Variants in DCAF10 observed in about 807,000 individuals in gnomAD.
DCAF10 encodes the protein DDB1 and CUL4 associated factor 10.
In DCAF10, 19 loss-of-function variants were observed where a neutral mutation model predicts 51.9. That is an observed-to-expected ratio of 0.37 (90% CI 0.26 to 0.54). The LOEUF is 0.54. Among genes scored for constraint, DCAF10 ranks in the 20% least tolerant of loss-of-function variants. The pLI is 0.87. For synonymous variants in DCAF10, 291 were observed against 297.1 expected, an observed-to-expected ratio of 0.98 and a Z score of 0.21; for missense variants, 510 against 730.6, an observed-to-expected ratio of 0.70 and a Z score of 3.48.
chr9:37,819,495 C>A (rs1829642416), intron 2 of DCAF10, 94 bp downstream of exon 2: 2 of 799,386 alleles, frequency 2.5e-6, no homozygotes, highest in Non-Finnish European at 4.0e-6. Flanking sequence ...AATGCCTTAT[C>A]CAGCACTGCT....
At chr9:37,846,990 A>G (rs916337824) in intron 3 of DCAF10, among the ~76,000 whole-genome samples, 1 of 152,148 alleles carries the variant, frequency 6.6e-6, no homozygotes, top group Admixed American at 6.6e-5. Flanking sequence ...GTGGTGGCTC[A>G]TGCCTGTAAT....
At chr9:37,811,520 T>C (rs921550767) in intron 1 of DCAF10, among the ~76,000 whole-genome samples, 2 of 152,062 alleles carry the variant, frequency 1.3e-5, no homozygotes, top group African/African-American at 4.8e-5. Context: ...CAAGGAATTA[T>C]AAGATGGAGA....
chr9:37,852,289 A>G (rs1830678023), intron 3 of DCAF10, among the ~76,000 whole-genome samples: 1 of 152,222 alleles, frequency 6.6e-6, no homozygotes, highest in African/African-American at 2.4e-5. Context: ...ATGCTAAGCT[A>G]AACCTTTATT....
intron 3 of DCAF10, among the ~76,000 whole-genome samples, chr9:37,850,329 C>T (rs1830596428): frequency 6.6e-6 from 1 of 152,192 alleles, no homozygotes. Flanking sequence ...TATCTGCACT[C>T]TCATGTTCAT....
At chr9:37,831,961 A>C (rs900112453) in intron 2 of DCAF10, 1 of 152,368 alleles carries the variant, frequency 6.6e-6, no homozygotes, top group African/African-American at 2.4e-5. Flanking sequence ...AAACAAAACA[A>C]AAAAAAGATC....
chr9:37,849,999 C>T (rs962186485), intron 3 of DCAF10, among the ~76,000 whole-genome samples: 1 of 152,172 alleles, frequency 6.6e-6, no homozygotes, highest in African/African-American at 2.4e-5. Flanking sequence ...TTCAAGGTTT[C>T]AGTGAGCCAT....
intron 1 of DCAF10, among the ~76,000 whole-genome samples, chr9:37,807,643 ATTTTCTTTTC>A (rs1564024019): frequency 7.2e-6 from 1 of 138,396 alleles, no homozygotes; most frequent in African/African-American, 2.7e-5. Context: ...TTACCACTGA[ATTTTCTTTTC>A]TTTTCTTTTT....
intron 1 of DCAF10, among the ~76,000 whole-genome samples, chr9:37,802,148 T>C (rs978420062): frequency 6.6e-6 from 1 of 152,250 alleles, no homozygotes; most frequent in African/African-American, 2.4e-5. Context: ...TCTCGGTTGC[T>C]AGTTGTTTAC....
rs13297333 is a variant in DCAF10 at position 37,865,636 on chromosome 9, T to C, written c.*4128T>C. 3.3e-5 allele frequency: 5 copies of C among 152,196 alleles called. No homozygotes were observed. The highest frequency in any genetic ancestry group is 5.9e-5 in the Non-Finnish European group (4 of 68,020). 9.4% of individuals were successfully genotyped at this position (152,196 alleles called of 1,614,324 possible). On this transcript the variant is annotated 3_prime_UTR_variant, in exon 7 of 7. Coordinates refer to ENST00000377724, the MANE Select transcript of DCAF10 (RefSeq NM_024345.5). ...TATGGCAATGCTATGTTTAATGAGT[T>C]AGGGACATCAAATATATAGTAGTTC... is the stretch of plus-strand genomic sequence containing the variant.
chr9:37,818,898 A>C (rs979516522), intron 1 of DCAF10, among the ~76,000 whole-genome samples: 1 of 152,136 alleles, frequency 6.6e-6, no homozygotes, highest in East Asian at 1.9e-4. Flanking sequence ...TCCCTGTGTC[A>C]TGTACATTTA....
chr9:37,812,239 T>C (rs1218725641), intron 1 of DCAF10, among the ~76,000 whole-genome samples: 1 of 142,568 alleles, frequency 7.0e-6, no homozygotes, highest in African/African-American at 2.6e-5. Context: ...AAAACAAAAA[T>C]CCCTACCAAC....
In DCAF10 at chr9:37,866,556, A is replaced by G. The variant is rs551084573; in HGVS notation, c.*5048A>G. ...TCTAACAGGCTCCCCACTTTCTTCT[A>G]ATGTGCTGTTATGAGCTTTGGACAT... On this transcript the variant is annotated 3_prime_UTR_variant, in exon 7 of 7. Coordinates refer to ENST00000377724, the MANE Select transcript of DCAF10 (RefSeq NM_024345.5). 2.0e-5 allele frequency: 3 copies of G among 152,304 alleles called. No homozygotes were observed. The South Asian group carries it at 6.2e-4, about 32-fold the overall frequency. 9.4% of individuals were successfully genotyped at this position (152,304 alleles called of 1,614,324 possible). A position where few individuals can be genotyped will look rare whatever the true frequency, so the allele number is the denominator to read the frequency against.
intron 5 of DCAF10, 151 bp from the exon 6 acceptor site, chr9:37,859,897 G>C (rs1286902792): frequency 4.6e-6 from 4 of 872,100 alleles, no homozygotes; most frequent in Non-Finnish European, 7.0e-6. Flanking sequence ...CCATACATTG[G>C]GGAGTACCAC....
intron 2 of DCAF10, among the ~76,000 whole-genome samples, chr9:37,822,245 A>G (rs547276489): frequency 2.0e-5 from 3 of 152,244 alleles, no homozygotes; most frequent in African/African-American, 4.8e-5. Context: ...CTACCATTTG[A>G]TCCAGCAATT....
chr9:37,833,122 T>G (rs1219292377), intron 2 of DCAF10, among the ~76,000 whole-genome samples: 1 of 152,162 alleles, frequency 6.6e-6, no homozygotes, highest in East Asian at 1.9e-4. Context: ...TCGCTCAAAG[T>G]GTTGGGACTA....
intron 1 of DCAF10, among the ~76,000 whole-genome samples, chr9:37,810,459 C>CTT (rs542709204): frequency 0.11 from 16,333 of 148,364 alleles, 1,112 homozygotes; most frequent in Non-Finnish European, 0.15. Flanking sequence ...TTCTTTCTTT[C>CTT]TTTCTTTTTT....
rs144524647 is a variant in DCAF10, at chr9:37,821,090, C to CATAT, written c.653+1701_653+1704dup. Among the ~76,000 whole-genome samples, 77 of 150,436 alleles carry CATAT rather than the reference C, an allele frequency of 5.1e-4. 1 individual carries two copies. Among genetic ancestry groups the CATAT allele is most frequent in the African/African-American group, 1.7e-3 (69 of 40,930 alleles). On this transcript the variant is annotated intron_variant, in intron 2 of 6. Coordinates refer to ENST00000377724, the MANE Select transcript of DCAF10 (RefSeq NM_024345.5). ...CTAAGATAATTGTTGCATATACAAA[C>CATAT]ATATATATATATATACACACACACA...
intron 2 of DCAF10, among the ~76,000 whole-genome samples, chr9:37,837,294 A>C (rs1410274187): frequency 6.6e-6 from 1 of 151,898 alleles, no homozygotes; most frequent in Non-Finnish European, 1.5e-5. Context: ...CCCCGTCTCT[A>C]CTAAAAATAC....
intron 2 of DCAF10, among the ~76,000 whole-genome samples, chr9:37,831,165 C>A (rs1285691553): frequency 6.6e-6 from 1 of 152,078 alleles, no homozygotes; most frequent in Non-Finnish European, 1.5e-5. Context: ...TGCAGTGAGC[C>A]GAGATCGCGC....
Sources: allele counts gnomAD v4.1 joint callset (sites outside exome capture counted in the v4.1 genomes callset), GRCh38; gene constraint gnomAD v4.1.1; transcripts MANE v1.5; gene names NCBI Gene and HGNC (gene_info 2026-07-23, HGNC 2026-07-21).